The following CCBE1 variants were observed in gnomAD, a reference collection of about 807,000 sequenced individuals.
CCBE1 encodes the protein collagen and calcium-binding EGF domain-containing protein 1.
Under a neutral mutation model 50.0 loss-of-function variants are expected in CCBE1, and 37 were observed. That is an observed-to-expected ratio of 0.74 (90% CI 0.57 to 0.97). The LOEUF (loss-of-function observed/expected upper bound fraction) is 0.97. CCBE1 is among the 50% of genes least tolerant of loss of function. CCBE1 has a pLI of 0.00. For synonymous variants in CCBE1, 234 were observed against 203.7 expected, an observed-to-expected ratio of 1.15 and a Z score of -1.27; for missense variants, 538 against 523.8, an observed-to-expected ratio of 1.03 and a Z score of -0.26.
intron 2 of CCBE1, among the ~76,000 whole-genome samples, chr18:59,545,878 C>G (rs1915661982): frequency 6.6e-6 from 1 of 152,186 alleles, no homozygotes; most frequent in South Asian, 2.1e-4. Context: ...GACTCCCCAG[C>G]CATGTGGAAC....
intron 2 of CCBE1, among the ~76,000 whole-genome samples, chr18:59,567,222 G>A (rs2052844046): frequency 2.0e-5 from 3 of 151,856 alleles, no homozygotes; most frequent in Admixed American, 6.6e-5. Context: ...AGGTTCAAGC[G>A]ATTCTCCTGC....
At chr18:59,442,935 C>T (rs1910500776) in intron 7 of CCBE1, among the ~76,000 whole-genome samples, 1 of 152,056 alleles carries the variant, frequency 6.6e-6, no homozygotes, top group African/African-American at 2.4e-5. Flanking sequence ...CTCCCCTGCC[C>T]AGCTCCCTTC....
intron 2 of CCBE1, among the ~76,000 whole-genome samples, chr18:59,543,743 G>A (rs1018991756): frequency 2.7e-5 from 4 of 148,676 alleles, no homozygotes; most frequent in Non-Finnish European, 5.9e-5. Flanking sequence ...GCTGAGGCAG[G>A]AGAATGGCGT....
At chr18:59,475,299 T>C (rs981020447) in intron 3 of CCBE1, among the ~76,000 whole-genome samples, 1 of 152,226 alleles carries the variant, frequency 6.6e-6, no homozygotes, top group Non-Finnish European at 1.5e-5. Context: ...TCCCAAAGCA[T>C]AGCACTGTGT....
At chr18:59,602,818 C>A (rs183412791) in intron 2 of CCBE1, among the ~76,000 whole-genome samples, 6 of 152,290 alleles carry the variant, frequency 3.9e-5, no homozygotes, top group African/African-American at 1.4e-4. Flanking sequence ...AGCTGCTATG[C>A]GCTCTGACAA....
intron 2 of CCBE1, among the ~76,000 whole-genome samples, chr18:59,559,893 T>G (rs1216655610): frequency 1.3e-5 from 2 of 152,152 alleles, no homozygotes; most frequent in Non-Finnish European, 2.9e-5. Flanking sequence ...TGTCATGGAC[T>G]TGATGGACCG....
chr18:59,614,389 T>C (rs1377650047), intron 2 of CCBE1, among the ~76,000 whole-genome samples: 2 of 152,228 alleles, frequency 1.3e-5, no homozygotes, highest in Admixed American at 1.3e-4. Flanking sequence ...GTGATTTACT[T>C]ACCATTGTTT....
chr18:59,632,665 C>T lies in CCBE1; in HGVS notation c.212+63964G>A, dbSNP rs191427412. The stretch of plus-strand genomic sequence containing the variant: ...GTGCAGTGGCACGATCTTGGCTCAC[C>T]GCAACTTCCAACCTCCCAGGTTCAA... On this transcript the variant is annotated intron_variant, in intron 2 of 10. Coordinates refer to ENST00000439986, the MANE Select transcript of CCBE1 (RefSeq NM_133459.4). Among the ~76,000 whole-genome samples, 7 of 152,174 alleles carry T rather than the reference C, an allele frequency of 4.6e-5. No homozygotes were observed. In the East Asian group the frequency reaches 9.7e-4, roughly 21 times the overall value.
intron 2 of CCBE1, among the ~76,000 whole-genome samples, chr18:59,651,094 A>C (rs1176873442): frequency 1.3e-5 from 2 of 152,212 alleles, no homozygotes; most frequent in African/African-American, 2.4e-5. Flanking sequence ...TATCATCCAA[A>C]ATTGTGATGA....
chr18:59,695,746 C>T (rs910240060), intron 2 of CCBE1, among the ~76,000 whole-genome samples: 1 of 152,190 alleles, frequency 6.6e-6, no homozygotes, highest in Non-Finnish European at 1.5e-5. Context: ...AGTATTTATC[C>T]TGGCAACCCG....
rs1338968782 is a variant in CCBE1, at chr18:59,480,087, A to G, written c.265+99T>C. On this transcript the variant is annotated intron_variant, in intron 3 of 10. Transcript: ENST00000439986. ...CACAGACAGATACACAGATAATCAG[A>G]CACAGATAAGACCTATATTCCATGA... 6.0e-6 allele frequency: 5 copies of G among 839,494 alleles called. No homozygotes were observed. The African/African-American group carries it at 6.9e-5, about 12-fold the overall frequency. The allele number at this position is 839,494 out of a possible 1,614,324, so 52.0% of individuals were successfully genotyped here.
intron 2 of CCBE1, among the ~76,000 whole-genome samples, chr18:59,656,737 C>A (rs567402264): frequency 4.6e-5 from 7 of 152,300 alleles, no homozygotes; most frequent in African/African-American, 1.4e-4. Context: ...GTCTAAAGAG[C>A]AAATGCTAAT....
chr18:59,572,889 T>C (rs1488515461), intron 2 of CCBE1, among the ~76,000 whole-genome samples: 1 of 152,206 alleles, frequency 6.6e-6, no homozygotes, highest in East Asian at 1.9e-4. Context: ...AGGTGTCCAG[T>C]TGCTTGGACA....
intron 2 of CCBE1, among the ~76,000 whole-genome samples, chr18:59,512,027 T>C (rs897003133): frequency 6.6e-6 from 1 of 150,480 alleles, no homozygotes; most frequent in East Asian, 2.0e-4. Context: ...TGTAGCCATA[T>C]GATAAATCTT....
At chr18:59,614,556 C>T (rs1051874288) in intron 2 of CCBE1, among the ~76,000 whole-genome samples, 3 of 152,288 alleles carry the variant, frequency 2.0e-5, no homozygotes, top group Non-Finnish European at 4.4e-5. Context: ...GAGCAGCAGA[C>T]GGCTGGGGCA....
intron 2 of CCBE1, among the ~76,000 whole-genome samples, chr18:59,603,976 G>A (rs1385590095): frequency 2.6e-5 from 4 of 152,204 alleles, no homozygotes; most frequent in Admixed American, 6.5e-5. Context: ...GAAGTGGGAA[G>A]CCTGACACAA....
chr18:59,613,984 G>T (rs1031042800), intron 2 of CCBE1, among the ~76,000 whole-genome samples: 1 of 146,876 alleles, frequency 6.8e-6, no homozygotes, highest in Non-Finnish European at 1.5e-5. Context: ...TGCGATTCTC[G>T]TTCTTCAGCC....
chr18:59,600,627 G>C (rs1267035782), intron 2 of CCBE1, among the ~76,000 whole-genome samples: 2 of 152,014 alleles, frequency 1.3e-5, no homozygotes, highest in Non-Finnish European at 2.9e-5. Context: ...AATTCACCCG[G>C]GTTAGCAAAG....
intron 2 of CCBE1, among the ~76,000 whole-genome samples, chr18:59,566,962 C>T (rs71357643): frequency 0.066 from 10,106 of 152,132 alleles, 402 homozygotes; most frequent in Non-Finnish European, 0.093. Flanking sequence ...AAAGAACGAG[C>T]CTCATAAAGC....
Sources: allele counts gnomAD v4.1 joint callset (sites outside exome capture counted in the v4.1 genomes callset), GRCh38; gene constraint gnomAD v4.1.1; transcripts MANE v1.5; gene names NCBI Gene and HGNC (gene_info 2026-07-23, HGNC 2026-07-21).